Variants in AHNAK observed in about 807,000 individuals in gnomAD.
AHNAK encodes neuroblast differentiation-associated protein AHNAK.
Under a neutral mutation model 37.8 loss-of-function variants are expected in AHNAK, and 23 were observed. That is an observed-to-expected ratio of 0.61 (90% CI 0.44 to 0.86). The LOEUF is 0.86. Ranked by LOEUF, AHNAK falls within the 40% of genes least tolerant of loss-of-function variation. AHNAK has a pLI of 0.00. For synonymous variants in AHNAK, 2,481 were observed against 2,636.3 expected (o/e 0.94, Z 1.80); for missense variants, 7,411 against 7,319.4 (o/e 1.01, Z -0.46).
In AHNAK at chr11:62,517,108, A is replaced by G. The variant is rs1184228020; in HGVS notation, c.17309T>C (p.Leu5770Ser). The change falls in exon 5 of 5, where the codon TTA (leucine) becomes TCA (serine). Residue 5770 changes from leucine (L) to serine (S), a missense_variant. Coordinates refer to ENST00000378024, the MANE Select transcript of AHNAK (RefSeq NM_001620.3). ...GTGCCGTGGCTTCTTACTTTTAAAT[A>G]AGGAGAATTTGCCTTTCGGTGAAGA... The part of the protein sequence containing the change: ...EASSPKGKFS[L>S]FKSKKPRHRS... The G allele has an allele frequency of 1.2e-6, 2 of 1,613,392 alleles. No homozygotes were observed. Among genetic ancestry groups the G allele is most frequent in the Non-Finnish European group, 1.7e-6 (2 of 1,179,880 alleles).
chr11:62,480,243 A>G (rs1590617300), intron 5 of AHNAK, among the ~76,000 whole-genome samples: 1 of 152,220 alleles, frequency 6.6e-6, no homozygotes, highest in Non-Finnish European at 1.5e-5. Flanking sequence ...TCCCTTTAGC[A>G]GTTGATACTT....
At chr11:62,444,870 G>A (rs1275996220) in intron 5 of AHNAK, among the ~76,000 whole-genome samples, 1 of 150,704 alleles carries the variant, frequency 6.6e-6, no homozygotes, top group Non-Finnish European at 1.5e-5. Context: ...TCATTTTAGA[G>A]ATGATGAAGT....
At chr11:62,503,102 ACAAT>A (rs1939741737) in intron 4 of AHNAK, among the ~76,000 whole-genome samples, 2 of 152,176 alleles carry the variant, frequency 1.3e-5, no homozygotes, top group Non-Finnish European at 2.9e-5. Context: ...TAAATACAAA[ACAAT>A]CAACAGTCCA....
In AHNAK at chr11:62,532,795, A is replaced by G. The variant is rs903266339; in HGVS notation, c.1622T>C (p.Val541Ala). The G allele has an allele frequency of 1.2e-6, 2 of 1,613,872 alleles. No homozygotes were observed. The highest frequency in any genetic ancestry group is 8.5e-7 in the Non-Finnish European group (1 of 1,179,954). The change falls in exon 5 of 5, where the codon GTG (valine) becomes GCG (alanine). Residue 541 changes from valine to alanine, a missense_variant. Val to Ala is a moderately conservative substitution (Grantham distance 64, BLOSUM62 0). Coordinates refer to ENST00000378024, the MANE Select transcript of AHNAK (RefSeq NM_001620.3). ...GPQVALKGSR[V>A]DIETPNLEGT... is the part of the protein sequence containing the mutation. The stretch of plus-strand genomic sequence containing the variant: ...CTCTAGGTTTGGTGTCTCTATGTCC[A>G]CTCTGGAGCCTTTAAGTGCCACTTG...
At chr11:62,440,851 C>CTT (rs1938291687) in intron 5 of AHNAK, among the ~76,000 whole-genome samples, 1 of 152,162 alleles carries the variant, frequency 6.6e-6, no homozygotes, top group Non-Finnish European at 1.5e-5. Context: ...GTGCCAGACA[C>CTT]TATTTCTAAA....
At position 62,525,825 on chromosome 11, in the gene AHNAK, C is replaced by G. The variant is rs1370271723; in HGVS notation, c.8592G>C (p.Leu2864=). 5.6e-6 allele frequency: 9 copies of G among 1,613,910 alleles called. No homozygotes were observed. Among genetic ancestry groups the G allele is most frequent in the Non-Finnish European group, 6.8e-6 (8 of 1,179,984 alleles). ...CTTTGAGGTCAACTTCAGGACCTTT[C>G]AGATCTCCCTCTACCTTAGGGCCTG... is the stretch of plus-strand genomic sequence containing the variant. ...DVTGPKVEGD[L]KGPEVDLKGP... is the part of the protein sequence containing the mutation. The change falls in exon 5 of 5, where the codon CTG becomes CTC. Residue 2864 remains leucine, a synonymous_variant. Transcript: ENST00000378024.
At position 62,524,712 on chromosome 11, in the gene AHNAK, T is replaced by C; in HGVS notation, c.9705A>G (p.Gly3235=). Residue 3235 remains glycine, a synonymous_variant, in exon 5 of 5, where the codon GGA becomes GGG. Coordinates refer to ENST00000378024, the MANE Select transcript of AHNAK (RefSeq NM_001620.3). ...CATTTGCAAGTGAAACATCCACCTC[T>C]CCTTTCATTTTAGGGCCTTTAAGAT... The part of the protein sequence containing the change: ...DLNLKGPKMK[G]EVDVSLANVE... 6.2e-7 allele frequency: 1 copy of C among 1,614,250 alleles called. No individual in the cohort carries two copies. The highest frequency in any genetic ancestry group is 8.5e-7 in the Non-Finnish European group (1 of 1,180,052).
In AHNAK at chr11:62,526,963, G is replaced by C. The variant is rs745364286; in HGVS notation, c.7454C>G (p.Pro2485Arg). 1 of 1,614,020 alleles carries C rather than the reference G, an allele frequency of 6.2e-7. No individual in the cohort carries two copies. Among genetic ancestry groups the C allele is most frequent in the Non-Finnish European group, 8.5e-7 (1 of 1,179,964 alleles). The change falls in exon 5 of 5, where the codon CCA becomes CGA. Residue 2485 changes from proline to arginine, a missense_variant. Physicochemically the swap from Pro to Arg is moderately radical, Grantham distance 103 (BLOSUM62 -2). Transcript: ENST00000378024. Reference protein sequence around the residue: ...VPEVEGKLEVPDMNIRGPKVD... With the variant: ...VPEVEGKLEVRDMNIRGPKVD... ...TTTGGGGCCCCTGATGTTCATATCTGGTACTTCAAGTTTACCTTCTACCTC... is the reference window on the plus strand; with the variant it reads ...TTTGGGGCCCCTGATGTTCATATCTCGTACTTCAAGTTTACCTTCTACCTC...
At chr11:62,484,810 A>G (rs1363139988) in intron 5 of AHNAK, among the ~76,000 whole-genome samples, 1 of 152,082 alleles carries the variant, frequency 6.6e-6, no homozygotes, top group African/African-American at 2.4e-5. Flanking sequence ...TGTTTTTGAG[A>G]CAGAGTTTCG....
chr11:62,470,213 T>C (rs566819373), intron 5 of AHNAK, among the ~76,000 whole-genome samples: 86 of 152,078 alleles, frequency 5.7e-4, no homozygotes, highest in Non-Finnish European at 8.5e-4. Context: ...TTTGGGAAGC[T>C]GAGGTGGGCA....
At position 62,525,937 on chromosome 11, in the gene AHNAK, T is replaced by C; in HGVS notation, c.8480A>G (p.Glu2827Gly). The C allele has an allele frequency of 6.2e-7, 1 of 1,614,230 alleles. No homozygotes were observed. Among genetic ancestry groups the C allele is most frequent in the Non-Finnish European group, 8.5e-7 (1 of 1,180,022 alleles). Residue 2827 changes from glutamate to glycine, a missense_variant, in exon 5 of 5, where the codon GAG (glutamate) becomes GGG (glycine). Physicochemically the swap from Glu to Gly is moderately conservative, Grantham distance 98. Transcript: ENST00000378024. ...TATCTTTGGAGTCTTAAAATGCATCTCTGGCATCTTAAACTTTGGACTTTT... is the reference window on the plus strand; with the variant it reads ...TATCTTTGGAGTCTTAAAATGCATCCCTGGCATCTTAAACTTTGGACTTTT... ...KWKSPKFKMP[E>G]MHFKTPKISM...
intron 5 of AHNAK, among the ~76,000 whole-genome samples, chr11:62,489,963 C>A (rs2134891411): frequency 6.6e-6 from 1 of 152,022 alleles, no homozygotes; most frequent in East Asian, 1.9e-4. Context: ...GGGCACAGCA[C>A]CAAGTGCCCA....
At chr11:62,492,755 G>A (rs1442714722) in intron 4 of AHNAK, among the ~76,000 whole-genome samples, 2 of 151,470 alleles carry the variant, frequency 1.3e-5, no homozygotes, top group African/African-American at 2.4e-5. Flanking sequence ...GCACACAACC[G>A]TAGTCCCAGC....
At chr11:62,442,297 G>A (rs1440495845) in intron 5 of AHNAK, among the ~76,000 whole-genome samples, 1 of 152,156 alleles carries the variant, frequency 6.6e-6, no homozygotes, top group African/African-American at 2.4e-5. Flanking sequence ...TGTAATCCCA[G>A]CGCTTTGTGG....
rs775998320 is a variant in AHNAK, at chr11:62,532,661, C to T, written c.1756G>A (p.Gly586Ser). The T allele has an allele frequency of 7.9e-5, 128 of 1,613,880 alleles. No individual in the cohort carries two copies. Among genetic ancestry groups the T allele is most frequent in the Non-Finnish European group, 6.8e-5 (80 of 1,180,004 alleles). ...ACTCTGGGGAGTGTGACATCTACAC[C>T]CCCTTTCACTTTAGGTGCGGCCACA... ...LNVAAPKVKGGVDVTLPRVEG... is the reference protein window; with the variant it reads ...LNVAAPKVKGSVDVTLPRVEG... The change falls in exon 5 of 5, where the codon GGT (glycine) becomes AGT (serine). Residue 586 changes from glycine to serine, a missense_variant. Gly to Ser is a moderately conservative substitution (Grantham distance 56). Coordinates refer to ENST00000378024, the MANE Select transcript of AHNAK (RefSeq NM_001620.3).
At position 62,531,308 on chromosome 11, in the gene AHNAK, T is replaced by C. The variant is rs1940738877; in HGVS notation, c.3109A>G (p.Asn1037Asp). 1.2e-6 allele frequency: 2 copies of C among 1,613,480 alleles called. No individual in the cohort carries two copies. Among genetic ancestry groups the C allele is most frequent in the African/African-American group, 1.3e-5 (1 of 74,770 alleles). The change falls in exon 5 of 5, where the codon AAT becomes GAT. Residue 1037 changes from asparagine to aspartate, a missense_variant. Coordinates refer to ENST00000378024, the MANE Select transcript of AHNAK (RefSeq NM_001620.3). ...CCTTCAAGGCTCAGATCTGGAGCAT[T>C]AGTATCTACTTTTGGTGCAGAAATG... ...VDISAPKVDT[N>D]APDLSLEGPE...
chr11:62,505,566 G>A (rs1939795508), intron 4 of AHNAK, among the ~76,000 whole-genome samples: 2 of 151,998 alleles, frequency 1.3e-5, no homozygotes, highest in Admixed American at 6.6e-5. Flanking sequence ...CAGGGAGCGG[G>A]GCTAAAGTCC....
intron 1 of AHNAK, among the ~76,000 whole-genome samples, chr11:62,538,365 A>G (rs1941019831): frequency 6.6e-6 from 1 of 152,208 alleles, no homozygotes; most frequent in Admixed American, 6.5e-5. Flanking sequence ...TCCAGCCACA[A>G]GGTGAGCTGT....
chr11:62,493,836 T>G (rs1246103193), intron 4 of AHNAK, among the ~76,000 whole-genome samples: 1 of 152,090 alleles, frequency 6.6e-6, no homozygotes, highest in Non-Finnish European at 1.5e-5. Flanking sequence ...TTCCGAGCTT[T>G]CAGGAGGACT....
Sources: allele counts gnomAD v4.1 joint callset (sites outside exome capture counted in the v4.1 genomes callset), GRCh38; gene constraint gnomAD v4.1.1; transcripts MANE v1.5; gene names NCBI Gene and HGNC (gene_info 2026-07-23, HGNC 2026-07-21).